The following IDS variants were observed in gnomAD, a reference collection of about 807,000 sequenced individuals.
IDS encodes alpha-L-iduronate sulfate sulfatase.
IDS carries 1 observed loss-of-function variant against 33.5 expected under a neutral mutation model. That is an observed-to-expected ratio of 0.03 (90% CI 0.01 to 0.14). IDS has a LOEUF of 0.14. IDS is among the 10% of genes least tolerant of loss of function. The pLI is 1.00. For missense variants in IDS, 328 were observed against 448.0 expected (o/e 0.73, Z 2.42); for synonymous variants, 191 against 184.4 (o/e 1.04, Z -0.29).
intron 8 of IDS, among the ~76,000 whole-genome samples, chrX:149,483,847 T>A (rs1271270876): frequency 8.9e-6 from 1 of 112,347 alleles, no homozygotes; most frequent in Non-Finnish European, 1.9e-5. Context: ...ACCACCATTC[T>A]ACTTTCTATG....
Position 149,490,488 on chromosome X carries a change from G to T in IDS, c.880-48C>A, listed in dbSNP as rs781837220. 2.6e-6 allele frequency: 3 copies of T among 1,174,892 alleles called. No homozygotes were observed. In the South Asian group the frequency reaches 5.4e-5, roughly 21 times the overall value. On this transcript the variant is annotated intron_variant, in intron 6 of 8. Transcript: ENST00000340855. ...AATGAGAGTGACTGCAATTTAAATT[G>T]CCAAGGCATACAGAGATAATGCTTG...
chrX:149,488,610 G>C (rs1266311854), intron 7 of IDS, among the ~76,000 whole-genome samples: 1 of 107,546 alleles, frequency 9.3e-6, no homozygotes, highest in African/African-American at 3.4e-5. Context: ...ACCAGGCAGA[G>C]GGGGCCCCCA....
At chrX:149,485,273 GA>G (rs1176601930) in intron 8 of IDS, among the ~76,000 whole-genome samples, 1 of 111,954 alleles carries the variant, frequency 8.9e-6, no homozygotes, top group African/African-American at 3.3e-5. Context: ...CTCTGAGGAG[GA>G]AAACCTCCAA....
chrX:149,492,708 T>C (rs1293139166), intron 6 of IDS, among the ~76,000 whole-genome samples: 1 of 110,608 alleles, frequency 9.0e-6, no homozygotes, highest in African/African-American at 3.3e-5. Context: ...CCAGAGGCTT[T>C]AGACAAAATG....
Position 149,485,605 on chromosome X carries a change from A to G in IDS, c.1180+1320T>C, listed in dbSNP as rs371176496. Among the ~76,000 whole-genome samples the G allele has an allele frequency of 3.6e-5, 4 of 112,259 alleles. No individual in the cohort carries two copies. The East Asian group carries it at 1.1e-3, about 31-fold the overall frequency. ...GATATGTTAGGCTGGCTAAGTGGGA[A>G]AGACTATTGGAAACAAAAGTCTGAA... On this transcript the variant is annotated intron_variant, in intron 8 of 8. Transcript: ENST00000340855.
chrX:149,488,203 G>A (rs1470964819), intron 7 of IDS, among the ~76,000 whole-genome samples: 7 of 105,253 alleles, frequency 6.7e-5, no homozygotes, highest in African/African-American at 2.2e-4. Flanking sequence ...AGAAAGAGAG[G>A]GAGTTCCCCC....
At chrX:149,489,674 A>G (rs2124017154) in intron 7 of IDS, among the ~76,000 whole-genome samples, 1 of 111,909 alleles carries the variant, frequency 8.9e-6, no homozygotes, top group East Asian at 2.8e-4. Context: ...ACCATCTGGG[A>G]TTTGCTTCGA....
chrX:149,496,275 G>T, intron 6 of IDS, 71 bp downstream of exon 6: 1 of 982,355 alleles, frequency 1.0e-6, no homozygotes, highest in Non-Finnish European at 1.5e-6. Context: ...TGTGTCTACT[G>T]AGAAGAGTGG....
At chrX:149,486,835 C>A (rs2089339843) in intron 8 of IDS, 90 bp downstream of exon 8, 23 of 1,012,444 alleles carry the variant, frequency 2.3e-5, no homozygotes, top group East Asian at 3.1e-5. Flanking sequence ...GTCTGTGTAA[C>A]CCCCAAAGCC....
rs1052659546 is a variant in IDS at position 149,505,119 on chromosome X, C to G, written c.19G>C (p.Gly7Arg). 1.7e-5 allele frequency: 20 copies of G among 1,195,777 alleles called. No individual in the cohort carries two copies. Among genetic ancestry groups the G allele is most frequent in the Non-Finnish European group, 2.1e-5 (19 of 884,223 alleles). Reference sequence around the variant, plus strand: ...AGACCCAGCCAGAGAAGGCCTCGGCCGGTCCGGGGTGGCGGCATTTCGGCT... The same window carrying G: ...AGACCCAGCCAGAGAAGGCCTCGGCGGGTCCGGGGTGGCGGCATTTCGGCT... MPPPRT[G>R]RGLLWLGLVL... Residue 7 changes from glycine to arginine, a missense_variant, in exon 1 of 9, where the codon GGC becomes CGC. Coordinates refer to ENST00000340855, the MANE Select transcript of IDS (RefSeq NM_000202.8).
chrX:149,492,043 AT>A (rs2089397180), intron 6 of IDS, among the ~76,000 whole-genome samples: 1 of 112,343 alleles, frequency 8.9e-6, no homozygotes, highest in Non-Finnish European at 1.9e-5. Flanking sequence ...ATTAACATTT[AT>A]TGTTCCCCTT....
chrX:149,499,146 G>A (rs1480110628), intron 4 of IDS: 2 of 110,747 alleles, frequency 1.8e-5, no homozygotes, highest in Non-Finnish European at 3.8e-5. Flanking sequence ...CTGAGGTAAG[G>A]AGTTCGAGAC....
chrX:149,498,246 T>A lies in IDS; in HGVS notation c.569A>T (p.Asp190Val). The A allele has an allele frequency of 8.3e-7, 1 of 1,211,746 alleles. No homozygotes were observed. The highest frequency in any genetic ancestry group is 1.1e-6 in the Non-Finnish European group (1 of 895,206). ...GTCAGGCAAGGTGCCCTCGGGAACATCCAGCACATCCACAGGGCAAAGCAG... is the reference window on the plus strand; with the variant it reads ...GTCAGGCAAGGTGCCCTCGGGAACAACCAGCACATCCACAGGGCAAAGCAG... ...ANLLCPVDVL[D>V]VPEGTLPDKQ... Residue 190 changes from aspartate to valine, a missense_variant, in exon 5 of 9, where the codon GAT becomes GTT. Coordinates refer to ENST00000340855, the MANE Select transcript of IDS (RefSeq NM_000202.8).
intron 8 of IDS, among the ~76,000 whole-genome samples, chrX:149,485,273 G>C (rs1239724988): frequency 8.9e-6 from 1 of 111,954 alleles, no homozygotes; most frequent in Non-Finnish European, 1.9e-5. Flanking sequence ...CTCTGAGGAG[G>C]AAAACCTCCA....
chrX:149,489,027 G>C (rs1364424871), intron 7 of IDS, among the ~76,000 whole-genome samples: 1 of 111,427 alleles, frequency 9.0e-6, no homozygotes, highest in Non-Finnish European at 1.9e-5. Context: ...TGTTTTACTG[G>C]CTCCCAGGCG....
chrX:149,489,113 AGT>A (rs1300380847), intron 7 of IDS, among the ~76,000 whole-genome samples: 1 of 112,235 alleles, frequency 8.9e-6, no homozygotes, highest in Non-Finnish European at 1.9e-5. Context: ...CTCACAACAG[AGT>A]GTGTTCGTGG....
Position 149,495,467 on chromosome X carries a change from CT to C in IDS, c.879+878del, listed in dbSNP as rs782241318. On this transcript the variant is annotated intron_variant, in intron 6 of 8. Transcript: ENST00000340855. Reference sequence around the variant, plus strand: ...TGATGAATCAGAATCACCTGGTGTGCTTTTTTTTTTTTTTTTTAAGAAATGT... The same window carrying C: ...TGATGAATCAGAATCACCTGGTGTGCTTTTTTTTTTTTTTTTAAGAAATGT... 5.8e-3 allele frequency: 535 copies of C among 91,614 alleles called. 1 individual carries two copies. Among genetic ancestry groups the C allele is most frequent in the Middle Eastern group, 0.011 (2 of 175 alleles). The allele number at this position is 91,614 out of a possible 1,213,427, so 7.6% of individuals were successfully genotyped here.
intron 8 of IDS, among the ~76,000 whole-genome samples, chrX:149,483,790 C>A (rs1477589131): frequency 1.8e-5 from 2 of 112,280 alleles, no homozygotes; most frequent in African/African-American, 6.5e-5. Context: ...ACTCTGTCCC[C>A]ATTAAGTAAC....
At chrX:149,489,093 C>T (rs1327867913) in intron 7 of IDS, among the ~76,000 whole-genome samples, 2 of 112,202 alleles carry the variant, frequency 1.8e-5, no homozygotes, top group African/African-American at 6.5e-5. Context: ...TTGTAATCTA[C>T]GGCAACTGCC....
Sources: allele counts gnomAD v4.1 joint callset (sites outside exome capture counted in the v4.1 genomes callset), GRCh38; gene constraint gnomAD v4.1.1; transcripts MANE v1.5; gene names NCBI Gene and HGNC (gene_info 2026-07-23, HGNC 2026-07-21).